The following SLC9B1 variants were observed in gnomAD, a reference collection of about 807,000 sequenced individuals.
SLC9B1 encodes the protein solute carrier family 9 member B1, also known as sodium/hydrogen exchanger 9B1.
SLC9B1 carries 32 observed loss-of-function variants against 51.7 expected under a neutral mutation model. The observed-to-expected ratio is 0.62, with a 90% CI of 0.47 to 0.83. SLC9B1 has a LOEUF of 0.83. Ranked by LOEUF, SLC9B1 falls within the 40% of genes least tolerant of loss-of-function variation. The pLI, the probability that SLC9B1 is intolerant of heterozygous loss-of-function variation, is 0.00. For missense variants in SLC9B1, 406 were observed against 613.2 expected (o/e 0.66, Z 3.57); for synonymous variants, 145 against 212.7 (o/e 0.68, Z 2.77).
chr4:102,892,518 G>A (rs1170549721), intron 11 of SLC9B1: 1 of 152,180 alleles, frequency 6.6e-6, no homozygotes, highest in Non-Finnish European at 1.5e-5. Context: ...GAAAGACTAT[G>A]TTTTTCAACC....
At chr4:103,006,185 ATTAT>A (rs1292821765) in intron 1 of SLC9B1, among the ~76,000 whole-genome samples, 1 of 151,976 alleles carries the variant, frequency 6.6e-6, no homozygotes, top group Non-Finnish European at 1.5e-5. Context: ...AATAAATAAG[ATTAT>A]TTAAAGAATA....
intron 3 of SLC9B1, among the ~76,000 whole-genome samples, chr4:102,969,782 A>G (rs1338116475): frequency 6.6e-6 from 1 of 152,230 alleles, no homozygotes; most frequent in Non-Finnish European, 1.5e-5. Flanking sequence ...AACAACATAG[A>G]GAAGACCTTT....
At chr4:102,943,504 T>TACACACACAC (rs1319877290) in intron 6 of SLC9B1, among the ~76,000 whole-genome samples, 2,926 of 71,888 alleles carry the variant, frequency 0.041, 38 homozygotes, top group Non-Finnish European at 0.054. Flanking sequence ...TATGTGTATG[T>TACACACACAC]ATACACACAC....
chr4:102,906,618 A>G lies in SLC9B1; in HGVS notation c.1113T>C (p.Thr371=), dbSNP rs765810157. The change falls in exon 10 of 12, where the codon ACT becomes ACC. Residue 371 remains threonine (T), a synonymous_variant. Transcript: ENST00000296422. The stretch of plus-strand genomic sequence containing the variant: ...GAAGTGGTTGAAAAATATCCCATAC[A>G]GTCGTAATAATCTTTTGGACTTTCA... The part of the protein sequence containing the change: ...EKMKVQKIIT[T]VWDIFQPLLF... 12 of 1,587,072 alleles carry G rather than the reference A, an allele frequency of 7.6e-6. No individual in the cohort carries two copies. Among genetic ancestry groups the G allele is most frequent in the Non-Finnish European group, 9.4e-6 (11 of 1,172,938 alleles).
chr4:102,901,376 C>T, intron 11 of SLC9B1, 44 bp from the exon 12 acceptor site: 1 of 1,603,896 alleles, frequency 6.2e-7, no homozygotes, highest in Non-Finnish European at 8.5e-7. Context: ...AAATATTAAA[C>T]TGAGTTGATA....
intron 7 of SLC9B1, among the ~76,000 whole-genome samples, chr4:102,914,027 A>G (rs1735470079): frequency 6.6e-6 from 1 of 152,030 alleles, no homozygotes; most frequent in Non-Finnish European, 1.5e-5. Flanking sequence ...TTTTATTATT[A>G]CTAAAATCAG....
At chr4:102,910,919 G>A (rs1177465510) in intron 8 of SLC9B1, among the ~76,000 whole-genome samples, 2 of 152,114 alleles carry the variant, frequency 1.3e-5, no homozygotes, top group Non-Finnish European at 2.9e-5. Context: ...AAAAATATTT[G>A]AATATCTCTT....
At chr4:103,001,151 CCT>C (rs899770935) in intron 1 of SLC9B1, among the ~76,000 whole-genome samples, 8 of 152,196 alleles carry the variant, frequency 5.3e-5, no homozygotes, top group African/African-American at 1.9e-4. Context: ...TACATTGGCC[CCT>C]GTTAGCCATG....
At chr4:103,015,057 G>A (rs1031577800) in intron 1 of SLC9B1, 1 of 152,054 alleles carries the variant, frequency 6.6e-6, no homozygotes, top group African/African-American at 2.4e-5. Context: ...CTTATGACTG[G>A]TTATCCCAGC....
intron 7 of SLC9B1, among the ~76,000 whole-genome samples, chr4:102,927,894 C>A (rs934591579): frequency 1.3e-5 from 2 of 152,112 alleles, no homozygotes; most frequent in African/African-American, 4.8e-5. Context: ...CTAATGCAAT[C>A]ATAAAAAAGG....
chr4:102,946,406 G>A (rs1737269597), intron 5 of SLC9B1, among the ~76,000 whole-genome samples: 1 of 152,212 alleles, frequency 6.6e-6, no homozygotes, highest in East Asian at 1.9e-4. Context: ...CGTCTCTCAG[G>A]TTCAAGCAAT....
intron 6 of SLC9B1, among the ~76,000 whole-genome samples, chr4:102,934,763 C>CAAAAAAAAAA (rs772664880): frequency 1.7e-5 from 2 of 115,582 alleles, no homozygotes; most frequent in African/African-American, 3.0e-5. Flanking sequence ...GACTCTGTCA[C>CAAAAAAAAAA]AAAAAAAAAA....
intron 1 of SLC9B1, among the ~76,000 whole-genome samples, chr4:103,014,025 C>A (rs1741202392): frequency 6.6e-6 from 1 of 152,122 alleles, no homozygotes. Context: ...ATTATGGCAA[C>A]AACCTTCTTA....
chr4:102,942,615 G>A (rs544956027), intron 6 of SLC9B1, among the ~76,000 whole-genome samples: 154 of 152,284 alleles, frequency 1.0e-3, no homozygotes, highest in African/African-American at 3.5e-3. Context: ...GGGATAATTG[G>A]CAAGCCATAT....
Position 102,902,294 on chromosome 4 carries a change from T to C in SLC9B1, c.1333-962A>G, listed in dbSNP as rs573367241. Among the ~76,000 whole-genome samples the C allele has an allele frequency of 2.6e-5, 4 of 152,270 alleles. No homozygotes were observed. In the East Asian group the frequency reaches 7.7e-4, roughly 29 times the overall value. ...AAGTAACAACATAATGGTGGAAACA[T>C]TACCTCTGATATGGAACATTATGGC... On this transcript the variant is annotated intron_variant, in intron 11 of 11. Coordinates refer to ENST00000296422, the MANE Select transcript of SLC9B1 (RefSeq NM_139173.4).
At chr4:102,951,812 AAAACTGGCTTC>A (rs1402871192) in intron 3 of SLC9B1, among the ~76,000 whole-genome samples, 1 of 151,734 alleles carries the variant, frequency 6.6e-6, no homozygotes, top group Non-Finnish European at 1.5e-5. Flanking sequence ...ATTTGAGAAG[AAAACTGGCTTC>A]AAACTTTACA....
chr4:103,005,733 A>G (rs1740751080), intron 1 of SLC9B1, among the ~76,000 whole-genome samples: 2 of 152,040 alleles, frequency 1.3e-5, no homozygotes. Flanking sequence ...AAATTTAAAA[A>G]AACTGAACCA....
At chr4:102,938,182 T>C (rs1460652515) in intron 6 of SLC9B1, among the ~76,000 whole-genome samples, 5 of 151,974 alleles carry the variant, frequency 3.3e-5, no homozygotes, top group Non-Finnish European at 7.4e-5. Flanking sequence ...TGGAAAAAAA[T>C]CTAGCAAGCA....
intron 3 of SLC9B1, among the ~76,000 whole-genome samples, chr4:102,957,904 A>T (rs1279038298): frequency 6.6e-6 from 1 of 152,190 alleles, no homozygotes; most frequent in Admixed American, 6.5e-5. Context: ...GGTACATTGG[A>T]TCAAAGTTGC....
Sources: allele counts gnomAD v4.1 joint callset (sites outside exome capture counted in the v4.1 genomes callset), GRCh38; gene constraint gnomAD v4.1.1; transcripts MANE v1.5; gene names NCBI Gene and HGNC (gene_info 2026-07-23, HGNC 2026-07-21).